The following F13A1 variants were observed in gnomAD, a reference collection of about 807,000 sequenced individuals.
The protein encoded by F13A1 is coagulation factor XIII A chain, also known as FSF, A subunit.
A neutral mutation model predicts 80.1 loss-of-function variants in F13A1; 47 were observed. The ratio of observed to expected loss-of-function variants is 0.59; its 90% confidence interval spans 0.46 to 0.75. The LOEUF (loss-of-function observed/expected upper bound fraction) is 0.75. F13A1 is among the 30% of genes least tolerant of loss of function. F13A1 has a pLI of 0.00. For missense variants in F13A1, 817 were observed against 930.4 expected (o/e 0.88, Z 1.59); for synonymous variants, 349 against 344.9 (o/e 1.01, Z -0.13).
chr6:6,183,246 G>A lies in F13A1; in HGVS notation c.1306-1105C>T, dbSNP rs74567382. The stretch of plus-strand genomic sequence containing the variant: ...GCCTCAGTTACCCACTCTTTAAATA[G>A]GGTGATAATAACTCCTTCTTCATAG... On this transcript the variant is annotated intron_variant, in intron 10 of 14. Transcript: ENST00000264870. Among the ~76,000 whole-genome samples, 195 of 152,270 alleles carry A rather than the reference G, an allele frequency of 1.3e-3. 10 individuals carry two copies. In the East Asian group the frequency reaches 0.037, roughly 29 times the overall value.
At chr6:6,222,192 C>T in intron 7 of F13A1, 21 bp from the exon 8 acceptor site, 3 of 1,613,810 alleles carry the variant, frequency 1.9e-6, no homozygotes, top group Non-Finnish European at 1.7e-6. Flanking sequence ...GGACAGACCA[C>T]AGCTAAACAC....
chr6:6,237,815 C>G (rs1757432456), intron 6 of F13A1, among the ~76,000 whole-genome samples: 1 of 152,182 alleles, frequency 6.6e-6, no homozygotes, highest in Non-Finnish European at 1.5e-5. Flanking sequence ...AGGGCTAGCA[C>G]AGAGTGGGAA....
At chr6:6,178,432 T>C (rs2151076224) in intron 11 of F13A1, among the ~76,000 whole-genome samples, 1 of 152,194 alleles carries the variant, frequency 6.6e-6, no homozygotes, top group South Asian at 2.1e-4. Context: ...CATTCTTAAG[T>C]AGCTAAATTT....
intron 6 of F13A1, among the ~76,000 whole-genome samples, chr6:6,233,552 T>C (rs1757378251): frequency 6.6e-6 from 1 of 152,092 alleles, no homozygotes; most frequent in African/African-American, 2.4e-5. Context: ...CTTTTGACAC[T>C]ATTCCACAAG....
chr6:6,195,185 G>C (rs1313217716), intron 10 of F13A1, among the ~76,000 whole-genome samples: 1 of 152,212 alleles, frequency 6.6e-6, no homozygotes, highest in Non-Finnish European at 1.5e-5. Context: ...TCCCTGCCTA[G>C]TTCTTCTGAA....
At chr6:6,169,250 G>C (rs569533372) in intron 12 of F13A1, 1 of 152,424 alleles carries the variant, frequency 6.6e-6, no homozygotes, top group South Asian at 2.1e-4. Context: ...GACAGCCTGG[G>C]TTCCAGTGGA....
At chr6:6,262,648 C>G (rs1183280036) in intron 4 of F13A1, among the ~76,000 whole-genome samples, 1 of 151,554 alleles carries the variant, frequency 6.6e-6, no homozygotes, top group East Asian at 1.9e-4. Context: ...CCCTATCAAG[C>G]GTTTCATGCC....
Position 6,195,671 on chromosome 6 carries a change from A to G in F13A1, c.1305+126T>C, listed in dbSNP as rs577903467. The G allele has an allele frequency of 2.6e-5, 21 of 802,470 alleles. No individual in the cohort carries two copies. The Admixed American group carries it at 3.4e-4, about 13-fold the overall frequency. 49.7% of individuals were successfully genotyped at this position (802,470 alleles called of 1,614,324 possible). A position where few individuals can be genotyped will look rare whatever the true frequency, so the allele number is the denominator to read the frequency against. Reference sequence around the variant, plus strand: ...CTGGAAGTTGGAATAATGCCTAGTTACCTTTGTCAACACGAAGCATACGCT... The same window carrying G: ...CTGGAAGTTGGAATAATGCCTAGTTGCCTTTGTCAACACGAAGCATACGCT... On this transcript the variant is annotated intron_variant, in intron 10 of 14. Transcript: ENST00000264870.
chr6:6,166,910 G>C (rs412053), intron 13 of F13A1, among the ~76,000 whole-genome samples: 5,208 of 152,312 alleles, frequency 0.034, 116 homozygotes, highest in Non-Finnish European at 0.05. Context: ...TAAAAGGCAA[G>C]AGGGAACCTT....
chr6:6,211,334 C>A (rs1290131891), intron 8 of F13A1, among the ~76,000 whole-genome samples: 1 of 152,222 alleles, frequency 6.6e-6, no homozygotes, highest in East Asian at 1.9e-4. Flanking sequence ...AATGCTAAGG[C>A]TCATGGTCTA....
chr6:6,238,394 T>G (rs1757440570), intron 6 of F13A1, among the ~76,000 whole-genome samples: 1 of 152,056 alleles, frequency 6.6e-6, no homozygotes, highest in African/African-American at 2.4e-5. Context: ...AAGTTCAAAT[T>G]ATAAAGCTTC....
chr6:6,276,535 T>C (rs1757989878), intron 3 of F13A1, among the ~76,000 whole-genome samples: 1 of 152,230 alleles, frequency 6.6e-6, no homozygotes, highest in East Asian at 1.9e-4. Flanking sequence ...GCAGTTTCTA[T>C]TTGCTCTATC....
intron 8 of F13A1, among the ~76,000 whole-genome samples, chr6:6,210,158 AG>A (rs1761576129): frequency 6.6e-6 from 1 of 151,442 alleles, no homozygotes; most frequent in East Asian, 1.9e-4. Context: ...TGAGCCTGGG[AG>A]GTCAAGGCTG....
At chr6:6,313,998 T>TTTTTTTTTTAAA (rs1758644432) in intron 2 of F13A1, among the ~76,000 whole-genome samples, 1 of 150,694 alleles carries the variant, frequency 6.6e-6, no homozygotes. Context: ...TTTTTTTTTT[T>TTTTTTTTTTAAA]GAAACGGAGT....
At chr6:6,159,638 G>T (rs1760538553) in intron 13 of F13A1, among the ~76,000 whole-genome samples, 1 of 152,138 alleles carries the variant, frequency 6.6e-6, no homozygotes, top group Admixed American at 6.5e-5. Context: ...TCTGCACAGG[G>T]GTGAGTGCTG....
At chr6:6,174,963 G>T in intron 11 of F13A1, 96 bp from the exon 12 acceptor site, 1 of 1,452,744 alleles carries the variant, frequency 6.9e-7, no homozygotes, top group Non-Finnish European at 9.6e-7. Context: ...TTGTTGGGGT[G>T]TTTCTATAAT....
chr6:6,214,306 G>C (rs1761679408), intron 8 of F13A1, among the ~76,000 whole-genome samples: 1 of 151,812 alleles, frequency 6.6e-6, no homozygotes, highest in African/African-American at 2.4e-5. Flanking sequence ...AAATGTAAAA[G>C]AACAGAAATT....
At chr6:6,305,778 G>C (rs1758504918) in intron 2 of F13A1, 1 of 509,646 alleles carries the variant, frequency 2.0e-6, no homozygotes, top group African/African-American at 1.9e-5. Context: ...CAGACCACAA[G>C]GCACTCACTG....
Position 6,222,185 on chromosome 6 carries a change from C to G in F13A1, c.974-14G>C, listed in dbSNP as rs1022882190. 4.3e-6 allele frequency: 7 copies of G among 1,613,748 alleles called. No homozygotes were observed. Among genetic ancestry groups the G allele is most frequent in the Admixed American group, 1.7e-5 (1 of 59,998 alleles). On this transcript the variant is annotated splice_polypyrimidine_tract_variant and intron_variant, in intron 7 of 14. Transcript: ENST00000264870. Reference sequence around the variant, plus strand: ...GGCATCGTAAAACTACAGGAAAGGACAGACCACAGCTAAACACATCACCAG... The same window carrying G: ...GGCATCGTAAAACTACAGGAAAGGAGAGACCACAGCTAAACACATCACCAG...
Sources: allele counts gnomAD v4.1 joint callset (sites outside exome capture counted in the v4.1 genomes callset), GRCh38; gene constraint gnomAD v4.1.1; transcripts MANE v1.5; gene names NCBI Gene and HGNC (gene_info 2026-07-23, HGNC 2026-07-21).